LRRC8C: variants seen among roughly 807,000 people sequenced by gnomAD.
LRRC8C encodes the protein volume-regulated anion channel subunit LRRC8C.
A neutral mutation model predicts 55.3 loss-of-function variants in LRRC8C; 20 were observed. The ratio of observed to expected loss-of-function variants is 0.36; its 90% CI spans 0.25 to 0.53. The LOEUF is 0.53. Ranked by LOEUF, LRRC8C falls within the 20% of genes least tolerant of loss-of-function variation. LRRC8C has a pLI of 0.92. For missense variants in LRRC8C, 659 were observed against 951.4 expected (o/e 0.69, Z 4.04); for synonymous variants, 376 against 360.7 (o/e 1.04, Z -0.48).
intron 1 of LRRC8C, among the ~76,000 whole-genome samples, chr1:89,680,968 G>A (rs916788800): frequency 6.6e-6 from 1 of 152,142 alleles, no homozygotes; most frequent in Non-Finnish European, 1.5e-5. Context: ...AGAATCTCTT[G>A]ATTTAATTAA....
intron 1 of LRRC8C, among the ~76,000 whole-genome samples, chr1:89,646,790 AAG>A (rs1373733234): frequency 6.6e-6 from 1 of 152,180 alleles, no homozygotes. Flanking sequence ...GATTAAAAGA[AAG>A]AAGTAGAACT....
chr1:89,632,739 T>C (rs926479448), upstream of LRRC8C: 5 of 151,822 alleles, frequency 3.3e-5, no homozygotes, highest in East Asian at 9.7e-4. Flanking sequence ...GGATGAGGGG[T>C]GGAGGTGGTA....
rs141862782 is a variant in LRRC8C at position 89,668,704 on chromosome 1, C to A, written c.-4-17766C>A. Among the ~76,000 whole-genome samples the A allele has an allele frequency of 3.9e-5, 6 of 152,322 alleles. No individual in the cohort carries two copies. The East Asian group carries it at 1.2e-3, about 29-fold the overall frequency. On this transcript the variant is annotated intron_variant, in intron 1 of 2. Coordinates refer to ENST00000370454, the MANE Select transcript of LRRC8C (RefSeq NM_032270.5). ...GGTGGAATTTTTGCTATGCCCTTCA[C>A]AGGCTTTCCAATCTTGGAGAAATTA...
chr1:89,657,023 T>A (rs917865612), intron 1 of LRRC8C, among the ~76,000 whole-genome samples: 5 of 152,366 alleles, frequency 3.3e-5, no homozygotes, highest in African/African-American at 1.2e-4. Flanking sequence ...ATTTCAAACC[T>A]ACGTCTTTCT....
Position 89,665,165 on chromosome 1 carries a change from C to T in LRRC8C, c.-4-21305C>T, listed in dbSNP as rs187635882. The stretch of plus-strand genomic sequence containing the variant: ...GCCCTGGCCAGAACTTCCGATACTA[C>T]GTTGAATAGGAGTGGTGAGAGAGGG... On this transcript the variant is annotated intron_variant, in intron 1 of 2. Transcript: ENST00000370454. Among the ~76,000 whole-genome samples, 702 of 152,274 alleles carry T rather than the reference C, an allele frequency of 4.6e-3. 4 individuals are homozygous for T. The highest frequency in any genetic ancestry group is 4.6e-3 in the East Asian group (24 of 5,190).
At chr1:89,690,154 T>C (rs918920881) in intron 2 of LRRC8C, among the ~76,000 whole-genome samples, 1 of 152,126 alleles carries the variant, frequency 6.6e-6, no homozygotes, top group South Asian at 2.1e-4. Flanking sequence ...GGTGGAAGGA[T>C]TATCCCTGAT....
chr1:89,649,261 G>A (rs921517807), intron 1 of LRRC8C, among the ~76,000 whole-genome samples: 1 of 152,064 alleles, frequency 6.6e-6, no homozygotes, highest in African/African-American at 2.4e-5. Context: ...AATCATTACT[G>A]GAATATCAAT....
intron 1 of LRRC8C, among the ~76,000 whole-genome samples, chr1:89,659,062 TGTGTG>T (rs750088589): frequency 0.31 from 20,666 of 66,816 alleles, 3,041 homozygotes; most frequent in East Asian, 0.5. Flanking sequence ...TTTTTTTTTT[TGTGTG>T]TGTGTGTGTG....
intron 2 of LRRC8C, among the ~76,000 whole-genome samples, chr1:89,689,372 G>A (rs758834287): frequency 1.3e-5 from 2 of 152,172 alleles, no homozygotes; most frequent in Non-Finnish European, 2.9e-5. Flanking sequence ...GCCACTGGAG[G>A]GCTTGGCTTT....
chr1:89,708,374 T>G (rs1414725760), intron 2 of LRRC8C, among the ~76,000 whole-genome samples: 1 of 152,158 alleles, frequency 6.6e-6, no homozygotes, highest in Non-Finnish European at 1.5e-5. Context: ...ACTATTCTTT[T>G]GAGATTTGTT....
At chr1:89,665,871 G>A (rs779702568) in intron 1 of LRRC8C, among the ~76,000 whole-genome samples, 1 of 152,124 alleles carries the variant, frequency 6.6e-6, no homozygotes, top group African/African-American at 2.4e-5. Flanking sequence ...CTATACAGGT[G>A]TACTATTTTT....
At chr1:89,672,962 A>G (rs1390005199) in intron 1 of LRRC8C, among the ~76,000 whole-genome samples, 1 of 152,192 alleles carries the variant, frequency 6.6e-6, no homozygotes, top group Non-Finnish European at 1.5e-5. Context: ...CAGTTGTTTC[A>G]TAAACCCTGT....
rs567497365 is a variant in LRRC8C, at chr1:89,697,769, C to T, written c.138+11158C>T. Among the ~76,000 whole-genome samples the T allele has an allele frequency of 5.6e-4, 85 of 152,178 alleles. 1 individual carries two copies. The highest frequency in any genetic ancestry group is 2.0e-3 in the African/African-American group (84 of 41,534). The stretch of plus-strand genomic sequence containing the variant: ...AGAAGCTGCTTCAAATCTCACCCAC[C>T]CCCTTCATTTCTGAAAAATTTTTTT... On this transcript the variant is annotated intron_variant, in intron 2 of 2. Transcript: ENST00000370454.
intron 2 of LRRC8C, among the ~76,000 whole-genome samples, chr1:89,702,244 A>C (rs1375778899): frequency 6.6e-6 from 1 of 152,106 alleles, no homozygotes; most frequent in Non-Finnish European, 1.5e-5. Context: ...CACTCAAGAG[A>C]AGCAGTGGAA....
rs560117302 is a variant in LRRC8C, at chr1:89,718,777, A to G, written c.*3795A>G. On this transcript the variant is annotated 3_prime_UTR_variant, in exon 3 of 3. Coordinates refer to ENST00000370454, the MANE Select transcript of LRRC8C (RefSeq NM_032270.5). ...TTCTGAATGTGATAATGTGATTCAA[A>G]CAGTCAAATTTTATTAAGCTCTTAG... is the stretch of plus-strand genomic sequence containing the variant. The G allele has an allele frequency of 8.5e-5, 13 of 152,320 alleles. No homozygotes were observed. The East Asian group carries it at 2.1e-3, about 25-fold the overall frequency. 9.4% of individuals were successfully genotyped at this position (152,320 alleles called of 1,614,324 possible). A position where few individuals can be genotyped will look rare whatever the true frequency, so the allele number is the denominator to read the frequency against.
At chr1:89,704,398 C>A (rs1335943088) in intron 2 of LRRC8C, among the ~76,000 whole-genome samples, 1 of 152,126 alleles carries the variant, frequency 6.6e-6, no homozygotes, top group African/African-American at 2.4e-5. Context: ...ATATGTAATT[C>A]CATGGCACTT....
At chr1:89,618,746 G>A in the LRRC8C span, among the ~76,000 whole-genome samples, 2 of 152,192 alleles carry the variant, frequency 1.3e-5, no homozygotes, top group Non-Finnish European at 2.9e-5. Flanking sequence ...AGAGTTAAAA[G>A]TACTTTCTAA....
intron 1 of LRRC8C, among the ~76,000 whole-genome samples, chr1:89,671,693 T>C (rs1175366591): frequency 6.6e-6 from 1 of 152,206 alleles, no homozygotes; most frequent in Non-Finnish European, 1.5e-5. Flanking sequence ...ATGGAATTAA[T>C]GTGGAGGCAT....
chr1:89,699,517 G>C (rs1312792446), intron 2 of LRRC8C, among the ~76,000 whole-genome samples: 1 of 152,186 alleles, frequency 6.6e-6, no homozygotes, highest in East Asian at 1.9e-4. Flanking sequence ...TTTCAATTTT[G>C]CTGTGAACCT....
Sources: gnomAD v4.1 joint callset for allele counts (sites outside exome capture counted in the v4.1 genomes callset) on GRCh38, gnomAD v4.1.1 for gene constraint, MANE v1.5 for transcripts, NCBI Gene and HGNC (gene_info 2026-07-23, HGNC 2026-07-21) for gene names.